The following VPS37D variants were observed in gnomAD, a reference collection of about 807,000 sequenced individuals.
The protein encoded by VPS37D is VPS37D subunit of ESCRT-I.
Under a neutral mutation model 22.0 loss-of-function variants are expected in VPS37D, and 5 were observed. That is an observed-to-expected ratio of 0.23 (90% confidence interval 0.12 to 0.48). VPS37D has a LOEUF of 0.48. VPS37D is among the 20% of genes least tolerant of loss of function. The pLI is 0.99. For missense variants in VPS37D, 384 were observed against 345.8 expected (o/e 1.11, Z -0.88); for synonymous variants, 174 against 159.3 (o/e 1.09, Z -0.69).
At chr7:73,667,659 C>T (rs974095720), upstream of VPS37D, among the ~76,000 whole-genome samples, 2 of 151,892 alleles carry the variant, frequency 1.3e-5, no homozygotes, top group African/African-American at 4.8e-5. Flanking sequence ...CAGAGCAGGG[C>T]GGCTCAGATT....
Position 73,671,601 on chromosome 7 carries a change from C to A in VPS37D, c.*225C>A, listed in dbSNP as rs1035528400. The A allele has an allele frequency of 7.7e-5, 20 of 259,308 alleles. No individual in the cohort carries two copies. Among genetic ancestry groups the A allele is most frequent in the Non-Finnish European group, 1.0e-4 (14 of 136,302 alleles). The allele number at this position is 259,308 out of a possible 1,614,324, so 16.1% of individuals were successfully genotyped here. A position where few individuals can be genotyped will look rare whatever the true frequency, so the allele number is the denominator to read the frequency against. On this transcript the variant is annotated 3_prime_UTR_variant, in exon 4 of 4. Coordinates refer to ENST00000324941, the MANE Select transcript of VPS37D (RefSeq NM_001077621.2). ...TTATGCCTCTGGCGCTGAAGACACC[C>A]TGCCTTTTTTGTTTCCGTGCCCCGG... is the stretch of plus-strand genomic sequence containing the variant.
intron 3 of VPS37D, 47 bp from the exon 4 acceptor site, chr7:73,670,967 G>A (rs1658594377): frequency 1.1e-5 from 17 of 1,594,352 alleles, no homozygotes; most frequent in Non-Finnish European, 1.3e-5. Context: ...CCAGTCCCCA[G>A]TCTGTGGTCG....
Position 73,671,174 on chromosome 7 carries a change from C to G in VPS37D, c.554C>G (p.Ser185Trp). 6.2e-7 allele frequency: 1 copy of G among 1,604,084 alleles called. No homozygotes were observed. Among genetic ancestry groups the G allele is most frequent in the Admixed American group, 1.7e-5 (1 of 59,478 alleles). ...CGTTCTGCCCAGCCGGCCCCCACCT[C>G]GGCTGCTGATCCCCCCAAATCCTTC... The part of the protein sequence containing the change: ...RERSAQPAPT[S>W]AADPPKSFPA... Residue 185 changes from serine to tryptophan, a missense_variant, in exon 4 of 4, where the codon TCG (serine) becomes TGG (tryptophan). Transcript: ENST00000324941.
upstream of VPS37D, among the ~76,000 whole-genome samples, chr7:73,666,694 C>T (rs1300206589): frequency 1.3e-5 from 2 of 152,090 alleles, no homozygotes; most frequent in Non-Finnish European, 2.9e-5. Context: ...CTACCGTGCC[C>T]GGCCTCTGTG....
Position 73,671,095 on chromosome 7 carries a change from C to T in VPS37D, c.475C>T (p.His159Tyr), listed in dbSNP as rs782282162. ...PAFQRGRALAHLRRTQAEKLQ... is the reference protein window; with the variant it reads ...PAFQRGRALAYLRRTQAEKLQ... ...CTTCCAGCGTGGCCGCGCCCTGGCC[C>T]ACCTGAGGCGGACGCAGGCAGAGAA... is the stretch of plus-strand genomic sequence containing the variant. Residue 159 changes from histidine to tyrosine, a missense_variant, in exon 4 of 4, where the codon CAC (histidine) becomes TAC (tyrosine). Coordinates refer to ENST00000324941, the MANE Select transcript of VPS37D (RefSeq NM_001077621.2). 1.9e-6 allele frequency: 3 copies of T among 1,610,666 alleles called. No homozygotes were observed. The highest frequency in any genetic ancestry group is 2.5e-6 in the Non-Finnish European group (3 of 1,179,590).
At chr7:73,669,618 G>A in intron 2 of VPS37D, 28 bp downstream of exon 2, 2 of 1,559,600 alleles carry the variant, frequency 1.3e-6, no homozygotes, top group Non-Finnish European at 1.7e-6. Context: ...AGAACCCCCT[G>A]GGGCTGGTGG....
chr7:73,670,393 C>T (rs1554609517), intron 3 of VPS37D, among the ~76,000 whole-genome samples: 1 of 152,174 alleles, frequency 6.6e-6, no homozygotes, highest in East Asian at 1.9e-4. Flanking sequence ...GGGAGTGCAG[C>T]GATCAGTGAG....
chr7:73,670,365 C>T (rs1355188855), intron 3 of VPS37D, among the ~76,000 whole-genome samples: 1 of 152,184 alleles, frequency 6.6e-6, no homozygotes, highest in Non-Finnish European at 1.5e-5. Context: ...GGAGCTGGGG[C>T]AGACTTTGTG....
chr7:73,671,718 AG>A lies in VPS37D; in HGVS notation c.*346del, dbSNP rs1797521935. The A allele has an allele frequency of 6.4e-6, 1 of 155,904 alleles. No individual in the cohort carries two copies. Among genetic ancestry groups the A allele is most frequent in the Non-Finnish European group, 1.4e-5 (1 of 70,824 alleles). The allele number at this position is 155,904 out of a possible 1,614,324, so 9.7% of individuals were successfully genotyped here. On this transcript the variant is annotated 3_prime_UTR_variant, in exon 4 of 4. Transcript: ENST00000324941. Reference sequence around the variant, plus strand: ...CCTGGGTCCCCTAGGGGCCTTGCCAAGGGGACCTGTCGCACCCCACCACTCC... The same window carrying A: ...CCTGGGTCCCCTAGGGGCCTTGCCAAGGGACCTGTCGCACCCCACCACTCC...
rs1554609790 is a variant in VPS37D at position 73,671,400 on chromosome 7, TG to T, written c.*30del. ...AGGATCCACGGTGCGGCCCCCCAGT[TG>T]GGGGGCCTAGACAAACTTGATGCGT... On this transcript the variant is annotated 3_prime_UTR_variant, in exon 4 of 4. Coordinates refer to ENST00000324941, the MANE Select transcript of VPS37D (RefSeq NM_001077621.2). The T allele has an allele frequency of 3.0e-6, 4 of 1,344,278 alleles. No individual in the cohort carries two copies. Among genetic ancestry groups the T allele is most frequent in the South Asian group, 1.7e-5 (1 of 57,356 alleles). The allele number at this position is 1,344,278 out of a possible 1,614,324, so 83.3% of individuals were successfully genotyped here.
At chr7:73,670,350 A>C (rs1554609508) in intron 3 of VPS37D, among the ~76,000 whole-genome samples, 1 of 152,166 alleles carries the variant, frequency 6.6e-6, no homozygotes, top group South Asian at 2.1e-4. Flanking sequence ...ATCTGGGGCT[A>C]CAGAGGAGCT....
Position 73,671,369 on chromosome 7 carries a change from A to C in VPS37D, c.749A>C (p.His250Pro), listed in dbSNP as rs1797510628. ...SPRPSQPEPPHR is the reference protein window; with the variant it reads ...SPRPSQPEPPPR Reference sequence around the variant, plus strand: ...CGGCCCTCGCAGCCAGAGCCCCCCCACCGGTAGGATCCACGGTGCGGCCCC... The same window carrying C: ...CGGCCCTCGCAGCCAGAGCCCCCCCCCCGGTAGGATCCACGGTGCGGCCCC... The change falls in exon 4 of 4, where the codon CAC (histidine) becomes CCC (proline). Residue 250 changes from histidine (H) to proline (P), a missense_variant. By Grantham distance (77) the His-to-Pro change is moderately conservative. Transcript: ENST00000324941. The C allele has an allele frequency of 3.7e-6, 5 of 1,361,778 alleles. No homozygotes were observed. Among genetic ancestry groups the C allele is most frequent in the Non-Finnish European group, 2.8e-6 (3 of 1,059,638 alleles). The allele number at this position is 1,361,778 out of a possible 1,614,324, so 84.4% of individuals were successfully genotyped here.
In VPS37D at chr7:73,667,893, G is replaced by T. The variant is rs1282419442; in HGVS notation, c.-66G>T. ...GAGCCGGAGCGGAGCGGAGCGGAGCGGAGCCGGGGCGGAGCGGGCCGAGCG... is the reference window on the plus strand; with the variant it reads ...GAGCCGGAGCGGAGCGGAGCGGAGCTGAGCCGGGGCGGAGCGGGCCGAGCG... On this transcript the variant is annotated 5_prime_UTR_variant, in exon 1 of 4. Transcript: ENST00000324941. 4 of 553,704 alleles carry T rather than the reference G, an allele frequency of 7.2e-6. No homozygotes were observed. Among genetic ancestry groups the T allele is most frequent in the Non-Finnish European group, 9.3e-6 (4 of 431,790 alleles). The allele number at this position is 553,704 out of a possible 1,614,324, so 34.3% of individuals were successfully genotyped here. A position where few individuals can be genotyped will look rare whatever the true frequency, so the allele number is the denominator to read the frequency against.
rs573288380 is a variant in VPS37D, at chr7:73,669,683, G to A, written c.310+93G>A. 20 of 1,484,260 alleles carry A rather than the reference G, an allele frequency of 1.3e-5. No homozygotes were observed. The Middle Eastern group carries it at 6.2e-4, about 46-fold the overall frequency. 91.9% of individuals were successfully genotyped at this position (1,484,260 alleles called of 1,614,324 possible). ...TGGGAAGTGCCAGGCTCTGATGGATGGGAGTTGGGCGGACCTGCTCCTGGC... is the reference window on the plus strand; with the variant it reads ...TGGGAAGTGCCAGGCTCTGATGGATAGGAGTTGGGCGGACCTGCTCCTGGC... On this transcript the variant is annotated intron_variant, in intron 2 of 3. Transcript: ENST00000324941.
upstream of VPS37D, among the ~76,000 whole-genome samples, chr7:73,665,739 G>A (rs1797360603): frequency 6.6e-6 from 1 of 152,096 alleles, no homozygotes; most frequent in South Asian, 2.1e-4. Context: ...CCTTCAACTT[G>A]AGAACTCCTA....
chr7:73,671,189 C>T lies in VPS37D; in HGVS notation c.569C>T (p.Pro190Leu). ...QPAPTSAADPPKSFPAAAVLP... is the reference protein window; with the variant it reads ...QPAPTSAADPLKSFPAAAVLP... Reference sequence around the variant, plus strand: ...GCCCCCACCTCGGCTGCTGATCCCCCCAAATCCTTCCCGGCTGCAGCTGTC... The same window carrying T: ...GCCCCCACCTCGGCTGCTGATCCCCTCAAATCCTTCCCGGCTGCAGCTGTC... Residue 190 changes from proline to leucine, a missense_variant, in exon 4 of 4, where the codon CCC becomes CTC. Pro to Leu is a moderately conservative substitution (Grantham distance 98, BLOSUM62 -3). Coordinates refer to ENST00000324941, the MANE Select transcript of VPS37D (RefSeq NM_001077621.2). 1 of 1,599,360 alleles carries T rather than the reference C, an allele frequency of 6.3e-7. No homozygotes were observed.
intron 1 of VPS37D, 82 bp downstream of exon 1, chr7:73,668,178 G>GCC: frequency 2.2e-6 from 2 of 925,870 alleles, no homozygotes; most frequent in Non-Finnish European, 2.6e-6. Flanking sequence ...GGGCCGCGCG[G>GCC]GCCGGGCCGC....
chr7:73,668,199 G>T, intron 1 of VPS37D, 103 bp downstream of exon 1: 6 of 723,312 alleles, frequency 8.3e-6, no homozygotes, highest in Non-Finnish European at 1.0e-5. Context: ...GGGGCCGCCC[G>T]TGGGCGCGGA....
Position 73,671,363 on chromosome 7 carries a change from C to G in VPS37D, c.743C>G (p.Pro248Arg). 7.3e-7 allele frequency: 1 copy of G among 1,375,398 alleles called. No homozygotes were observed. The highest frequency in any genetic ancestry group is 9.4e-7 in the Non-Finnish European group (1 of 1,067,066). The allele number at this position is 1,375,398 out of a possible 1,614,324, so 85.2% of individuals were successfully genotyped here. ...AGCCCTCGGCCCTCGCAGCCAGAGCCCCCCCACCGGTAGGATCCACGGTGC... is the reference window on the plus strand; with the variant it reads ...AGCCCTCGGCCCTCGCAGCCAGAGCGCCCCCACCGGTAGGATCCACGGTGC... Reference protein sequence around the residue: ...LLSPRPSQPEPPHR With the variant: ...LLSPRPSQPERPHR Residue 248 changes from proline to arginine, a missense_variant, in exon 4 of 4, where the codon CCC (proline) becomes CGC (arginine). By Grantham distance (103) the Pro-to-Arg change is moderately radical (BLOSUM62 -2). Transcript: ENST00000324941.
Sources: gnomAD v4.1 joint callset for allele counts (sites outside exome capture counted in the v4.1 genomes callset) on GRCh38, gnomAD v4.1.1 for gene constraint, MANE v1.5 for transcripts, NCBI Gene and HGNC (gene_info 2026-07-23, HGNC 2026-07-21) for gene names.